Variants in LRRC63 observed in about 807,000 individuals in gnomAD.
The protein encoded by LRRC63 is leucine rich repeat containing 63.
A neutral mutation model predicts 49.5 loss-of-function variants in LRRC63; 40 were observed. The ratio of observed to expected loss-of-function variants is 0.81; its 90% CI spans 0.63 to 1.05. LRRC63 has a LOEUF of 1.05. Among genes scored for constraint, LRRC63 ranks in the 50% least tolerant of loss-of-function variants. The pLI is 0.00. For synonymous variants in LRRC63, 191 were observed against 221.1 expected, an observed-to-expected ratio of 0.86 and a Z score of 1.21; for missense variants, 636 against 663.1, an observed-to-expected ratio of 0.96 and a Z score of 0.45.
In LRRC63 at chr13:46,217,079, TTG is replaced by T. The variant is rs746689086; in HGVS notation, c.85+3964_85+3965del. ...TTGGCCTGAAATTTTCCTTTTTCTGTTGTGTCTCTGCCAGGTTTTGGTATCAA... is the reference window on the plus strand; with the variant it reads ...TTGGCCTGAAATTTTCCTTTTTCTGTTGTCTCTGCCAGGTTTTGGTATCAA... On this transcript the variant is annotated intron_variant, in intron 2 of 9. Coordinates refer to ENST00000595396, the Ensembl canonical transcript of LRRC63. 1.1e-3 allele frequency among the ~76,000 whole-genome samples: 162 copies of T among 152,190 alleles called. 2 individuals are homozygous for T. The highest frequency in any genetic ancestry group is 2.4e-3 in the Admixed American group (37 of 15,280).
At chr13:46,245,212 A>G (rs1348829352) in intron 5 of LRRC63, among the ~76,000 whole-genome samples, 1 of 152,186 alleles carries the variant, frequency 6.6e-6, no homozygotes, top group Non-Finnish European at 1.5e-5. Context: ...CCAAAATTTG[A>G]CAGAACTAAA....
chr13:46,234,163 T>C, intron 4 of LRRC63, 29 bp from the exon 5 acceptor site: 1 of 1,525,442 alleles, frequency 6.6e-7, no homozygotes, highest in South Asian at 1.2e-5. Context: ...CATTTAAATT[T>C]TATGTTTTGT....
In LRRC63 at chr13:46,246,584, CT is replaced by C; in HGVS notation, c.1050del (p.Asn351IlefsTer23). 1 of 1,471,698 alleles carries C rather than the reference CT, an allele frequency of 6.8e-7. No homozygotes were observed. Among genetic ancestry groups the C allele is most frequent in the Non-Finnish European group, 9.0e-7 (1 of 1,115,110 alleles). The allele number at this position is 1,471,698 out of a possible 1,614,324, so 91.2% of individuals were successfully genotyped here. On this transcript the variant is annotated frameshift_variant, in exon 6 of 10. Transcript: ENST00000595396. LOFTEE classifies it high-confidence loss of function. ...ACCTTTGGCTTTCCAGTTGATATAT[CT>C]TAATTTATCATTTAATGATCTTCAT...
chr13:46,242,751 G>A (rs1480225906), intron 5 of LRRC63, among the ~76,000 whole-genome samples: 1 of 134,312 alleles, frequency 7.4e-6, no homozygotes, highest in Admixed American at 7.7e-5. Flanking sequence ...GGCTAGGAGA[G>A]AGTGTTGAAG....
At chr13:46,260,964 A>C (rs1305936917) in intron 7 of LRRC63, among the ~76,000 whole-genome samples, 1 of 152,210 alleles carries the variant, frequency 6.6e-6, no homozygotes, top group Non-Finnish European at 1.5e-5. Context: ...CATGGAAAAC[A>C]AGAAAGTCTT....
intron 7 of LRRC63, among the ~76,000 whole-genome samples, chr13:46,254,289 A>G (rs1230711184): frequency 3.3e-5 from 5 of 152,138 alleles, no homozygotes; most frequent in Non-Finnish European, 2.9e-5. Flanking sequence ...GATCTTAGAA[A>G]CATTTTTATT....
At chr13:46,227,460 T>C (rs2046608888) in intron 2 of LRRC63, 52 bp from the exon 3 acceptor site, 1 of 1,180,286 alleles carries the variant, frequency 8.5e-7, no homozygotes, top group Non-Finnish European at 1.1e-6. Flanking sequence ...ATATTTTGTC[T>C]GTGACATATT....
In LRRC63 at chr13:46,224,296, C is replaced by T. The variant is rs547585393; in HGVS notation, c.86-3216C>T. ...TGTCTGACTGGATTATTTCAAAAGA[C>T]GTGTCATCAAGTTCTGAGATTCTTT... is the stretch of plus-strand genomic sequence containing the variant. On this transcript the variant is annotated intron_variant, in intron 2 of 9. Transcript: ENST00000595396. 4.6e-5 allele frequency among the ~76,000 whole-genome samples: 7 copies of T among 152,242 alleles called. No individual in the cohort carries two copies. The East Asian group carries it at 1.3e-3, about 29-fold the overall frequency.
Position 46,270,615 on chromosome 13 carries a change from C to T in LRRC63, c.1550+3643C>T, listed in dbSNP as rs117016647. On this transcript the variant is annotated intron_variant, in intron 9 of 9. Transcript: ENST00000595396. ...AAATGCATTAATGCCACAACAGTGA[C>T]GTCATGAGGACTGACATGGAGCAAA... The T allele has an allele frequency of 8.9e-4, 755 of 846,596 alleles. 8 individuals carry two copies. The highest frequency in any genetic ancestry group is 4.8e-3 in the Middle Eastern group (21 of 4,378). 52.4% of individuals were successfully genotyped at this position (846,596 alleles called of 1,614,324 possible).
intron 4 of LRRC63, among the ~76,000 whole-genome samples, chr13:46,230,900 TTTC>T (rs2046735544): frequency 6.6e-6 from 1 of 152,206 alleles, no homozygotes; most frequent in Non-Finnish European, 1.5e-5. Context: ...TGCTTAGAAA[TTTC>T]TTCTATCAGA....
chr13:46,213,243 G>C (rs962386479), intron 2 of LRRC63, 124 bp downstream of exon 2: 1 of 613,780 alleles, frequency 1.6e-6, no homozygotes, highest in Non-Finnish European at 2.7e-6. Flanking sequence ...TTGTTGTCAG[G>C]TGATAACATC....
intron 2 of LRRC63, among the ~76,000 whole-genome samples, chr13:46,219,744 A>C (rs2046352288): frequency 6.6e-6 from 1 of 152,014 alleles, no homozygotes; most frequent in Admixed American, 6.5e-5. Flanking sequence ...GGATTTATCT[A>C]CCTTTGGTCT....
chr13:46,235,847 T>G (rs996969830), intron 5 of LRRC63, among the ~76,000 whole-genome samples: 9 of 152,132 alleles, frequency 5.9e-5, no homozygotes, highest in Non-Finnish European at 1.2e-4. Flanking sequence ...GTCTTAAATA[T>G]GTTCAAACTG....
intron 8 of LRRC63, among the ~76,000 whole-genome samples, chr13:46,265,525 C>G (rs12584780): frequency 0.23 from 34,740 of 152,170 alleles, 4,695 homozygotes; most frequent in East Asian, 0.35. Context: ...TCACTCTAAT[C>G]TCACATGACA....
At chr13:46,240,382 C>T (rs2047027280) in intron 5 of LRRC63, among the ~76,000 whole-genome samples, 1 of 152,084 alleles carries the variant, frequency 6.6e-6, no homozygotes, top group African/African-American at 2.4e-5. Flanking sequence ...CCACCTCGGC[C>T]TCCCAAAGTG....
intron 9 of LRRC63, among the ~76,000 whole-genome samples, chr13:46,275,805 A>T (rs2047828426): frequency 6.6e-6 from 1 of 152,140 alleles, no homozygotes. Context: ...ATTCGAGATT[A>T]GTCCCATTTG....
At chr13:46,213,633 A>G (rs1295192799) in intron 2 of LRRC63, among the ~76,000 whole-genome samples, 1 of 152,252 alleles carries the variant, frequency 6.6e-6, no homozygotes, top group Non-Finnish European at 1.5e-5. Flanking sequence ...CTTACAGAGA[A>G]CAAGATATGT....
chr13:46,248,854 A>T (rs1156422414), intron 6 of LRRC63, among the ~76,000 whole-genome samples: 2 of 151,892 alleles, frequency 1.3e-5, no homozygotes, highest in Admixed American at 6.6e-5. Flanking sequence ...TCTTGAGTTC[A>T]TGTAGAACAT....
intron 3 of LRRC63, 108 bp from the exon 4 acceptor site, chr13:46,228,557 G>A: frequency 1.4e-6 from 1 of 693,138 alleles, no homozygotes; most frequent in Non-Finnish European, 2.5e-6. Context: ...TATTTTCATG[G>A]ATAATTGGAA....
Sources: gnomAD v4.1 joint callset for allele counts (sites outside exome capture counted in the v4.1 genomes callset) on GRCh38, gnomAD v4.1.1 for gene constraint, MANE v1.5 for transcripts, NCBI Gene and HGNC (gene_info 2026-07-23, HGNC 2026-07-21) for gene names.